TAF4: variants seen among roughly 807,000 people sequenced by gnomAD.
The protein encoded by TAF4 is transcription initiation factor TFIID subunit 4.
Under a neutral mutation model 90.3 loss-of-function variants are expected in TAF4, and 9 were observed. That is an observed-to-expected ratio of 0.10 (90% CI 0.06 to 0.17). The LOEUF is 0.17. Among genes scored for constraint, TAF4 ranks in the 10% least tolerant of loss-of-function variants. The pLI, the probability that TAF4 is intolerant of heterozygous loss-of-function variation, is 1.00. For missense variants in TAF4, 1,351 were observed against 1,370.7 expected, an observed-to-expected ratio of 0.99 and a Z score of 0.23; for synonymous variants, 818 against 638.9, an observed-to-expected ratio of 1.28 and a Z score of -4.23.
intron 1 of TAF4, among the ~76,000 whole-genome samples, chr20:62,023,951 G>A (rs1238971072): frequency 5.9e-5 from 9 of 151,594 alleles, no homozygotes; most frequent in South Asian, 2.1e-4. Flanking sequence ...GTGTGGGCAC[G>A]CCTGTGGTCC....
chr20:62,039,331 A>C lies in TAF4; in HGVS notation c.1361-24624T>G, dbSNP rs185279608. On this transcript the variant is annotated intron_variant, in intron 1 of 14. Coordinates refer to ENST00000252996, the MANE Select transcript of TAF4 (RefSeq NM_003185.4). ...ACTGAGTTTCAATAAAGGCAGCAGC[A>C]TCGTTCAATAGAGAAAGGAAGGTCT... is the stretch of plus-strand genomic sequence containing the variant. Among the ~76,000 whole-genome samples the C allele has an allele frequency of 6.6e-5, 10 of 152,358 alleles. No individual in the cohort carries two copies. In the East Asian group the frequency reaches 1.9e-3, roughly 29 times the overall value.
chr20:62,064,502 G>C lies in TAF4; in HGVS notation c.1309C>G (p.Pro437Ala), dbSNP rs771276562. Residue 437 changes from proline to alanine, a missense_variant, in exon 1 of 15, where the codon CCG becomes GCG. Physicochemically the swap from Pro to Ala is conservative, Grantham distance 27. Around this residue, in one of 9 missense-constraint regions of TAF4, gnomAD observed 782 missense variants for 536.6 expected, o/e 1.46. Coordinates refer to ENST00000252996, the MANE Select transcript of TAF4 (RefSeq NM_003185.4). ...TTGGTCGGGTTCTGAGGCGGCTGCGGCAAGCGGGGGGCCAGCACGGTGGGC... is the reference window on the plus strand; with the variant it reads ...TTGGTCGGGTTCTGAGGCGGCTGCGCCAAGCGGGGGGCCAGCACGGTGGGC... ...LTPTVLAPRL[P>A]QPPQNPTNIQ... 6.6e-7 allele frequency: 1 copy of C among 1,516,932 alleles called. No individual in the cohort carries two copies. Among genetic ancestry groups the C allele is most frequent in the Non-Finnish European group, 8.8e-7 (1 of 1,134,174 alleles). 94.0% of individuals were successfully genotyped at this position (1,516,932 alleles called of 1,614,324 possible).
At chr20:62,016,029 G>A (rs2055810151) in intron 1 of TAF4, among the ~76,000 whole-genome samples, 1 of 152,178 alleles carries the variant, frequency 6.6e-6, no homozygotes, top group South Asian at 2.1e-4. Flanking sequence ...CTCCAAGCCT[G>A]GAGCTCGGGA....
In TAF4 at chr20:62,065,382, G is replaced by A; in HGVS notation, c.429C>T (p.Ala143=). Residue 143 remains alanine, a synonymous_variant, in exon 1 of 15, where the codon GCC becomes GCT. Transcript: ENST00000252996. ...GCTCGGGCCCCGCGGCGACGGCGGC[G>A]GCGGCGGGCACCGGGGCGCAGGACC... The part of the protein sequence containing the change: ...SAGSCAPVPA[A]AAVAAGPEPA... 4.1e-6 allele frequency: 4 copies of A among 972,230 alleles called. No individual in the cohort carries two copies. The South Asian group carries it at 1.9e-4, about 45-fold the overall frequency. The allele number at this position is 972,230 out of a possible 1,614,324, so 60.2% of individuals were successfully genotyped here. A position where few individuals can be genotyped will look rare whatever the true frequency, so the allele number is the denominator to read the frequency against.
intron 1 of TAF4, among the ~76,000 whole-genome samples, chr20:62,042,143 GC>G (rs1214057957): frequency 2.0e-5 from 3 of 152,106 alleles, no homozygotes; most frequent in Non-Finnish European, 4.4e-5. Flanking sequence ...CCTATCTGGT[GC>G]CCATATAAAC....
chr20:62,065,538 G>T lies in TAF4; in HGVS notation c.273C>A (p.Pro91=), dbSNP rs894595804. 4 of 977,798 alleles carry T rather than the reference G, an allele frequency of 4.1e-6. No homozygotes were observed. Among genetic ancestry groups the T allele is most frequent in the African/African-American group, 1.8e-5 (1 of 56,258 alleles). The allele number at this position is 977,798 out of a possible 1,614,324, so 60.6% of individuals were successfully genotyped here. A position where few individuals can be genotyped will look rare whatever the true frequency, so the allele number is the denominator to read the frequency against. ...CGCCCCCCGGCCGCGCTCTACCTGC[G>T]GGGGGCGGCTCCGGCGCCGCTCCGG... ...GAPGAAPEPP[P]AGRARPGGGG... Residue 91 remains proline, a synonymous_variant, in exon 1 of 15, where the codon CCC becomes CCA. Coordinates refer to ENST00000252996, the MANE Select transcript of TAF4 (RefSeq NM_003185.4).
At chr20:62,016,817 G>A (rs371776888) in intron 1 of TAF4, among the ~76,000 whole-genome samples, 1 of 152,238 alleles carries the variant, frequency 6.6e-6, no homozygotes, top group Non-Finnish European at 1.5e-5. Flanking sequence ...ACTGCATTCG[G>A]AGACACCTTG....
intron 7 of TAF4, chr20:62,004,971 T>A (rs2069104796): frequency 6.6e-6 from 1 of 152,306 alleles, no homozygotes; most frequent in South Asian, 2.1e-4. Context: ...GCCTCAAACC[T>A]CTGGGCCCAG....
intron 1 of TAF4, among the ~76,000 whole-genome samples, chr20:62,026,089 T>C (rs534218147): frequency 3.9e-5 from 6 of 152,232 alleles, no homozygotes; most frequent in South Asian, 2.1e-4. Flanking sequence ...ACGGAAAGCA[T>C]AGTTTTAATC....
At chr20:61,981,568 G>C (rs1323981404) in intron 14 of TAF4, 1 of 152,196 alleles carries the variant, frequency 6.6e-6, no homozygotes, top group Non-Finnish European at 1.5e-5. Flanking sequence ...AGGGAGGGGA[G>C]GCGGTGAAAA....
chr20:62,004,332 T>TTTTTC (rs2055729954), intron 7 of TAF4, among the ~76,000 whole-genome samples: 2 of 144,102 alleles, frequency 1.4e-5, no homozygotes, highest in Non-Finnish European at 3.1e-5. Flanking sequence ...TCTTTTCTTT[T>TTTTTC]TTTTTTTTTT....
At position 62,040,344 on chromosome 20, in the gene TAF4, T is replaced by G. The variant is rs993475721; in HGVS notation, c.1360+24107A>C. Among the ~76,000 whole-genome samples the G allele has an allele frequency of 2.0e-5, 3 of 152,212 alleles. No homozygotes were observed. The South Asian group carries it at 6.2e-4, about 31-fold the overall frequency. On this transcript the variant is annotated intron_variant, in intron 1 of 14. Coordinates refer to ENST00000252996, the MANE Select transcript of TAF4 (RefSeq NM_003185.4). ...ACACCACTTGGGCACCACGCAGAAGTATCCCGCCAAGGGAAAGGGCCAGAT... is the reference window on the plus strand; with the variant it reads ...ACACCACTTGGGCACCACGCAGAAGGATCCCGCCAAGGGAAAGGGCCAGAT...
Position 62,034,827 on chromosome 20 carries a change from C to CTTTTCTTTTTTTTTTTTTTTT in TAF4, c.1361-20121_1361-20120insAAAAAAAAAAAAAAAAGAAAA, listed in dbSNP as rs555793597. Among the ~76,000 whole-genome samples, 145 of 141,764 alleles carry CTTTTCTTTTTTTTTTTTTTTT rather than the reference C, an allele frequency of 1.0e-3. 1 individual carries two copies. The highest frequency in any genetic ancestry group is 3.6e-3 in the Middle Eastern group (1 of 276). 93.0% of individuals were successfully genotyped at this position (141,764 alleles called of 152,430 possible). A position where few individuals can be genotyped will look rare whatever the true frequency, so the allele number is the denominator to read the frequency against. ...GATATAGTCACTATCTCATAGATTT[C>CTTTTCTTTTTTTTTTTTTTTT]TTTTTTTTTTTGAGATGGAGTCTCG... On this transcript the variant is annotated intron_variant, in intron 1 of 14. Coordinates refer to ENST00000252996, the MANE Select transcript of TAF4 (RefSeq NM_003185.4).
chr20:62,065,847 G>A lies in TAF4; in HGVS notation c.-37C>T. On this transcript the variant is annotated 5_prime_UTR_variant, in exon 1 of 15. Transcript: ENST00000252996. Reference sequence around the variant, plus strand: ...GGCCGCCGCCGCCGCCGCCGCTCGGGCCGAGCGCGCCTGGGCGAGGAGGAG... The same window carrying A: ...GGCCGCCGCCGCCGCCGCCGCTCGGACCGAGCGCGCCTGGGCGAGGAGGAG... 1.6e-6 allele frequency: 2 copies of A among 1,222,400 alleles called. No individual in the cohort carries two copies. The highest frequency in any genetic ancestry group is 2.3e-4 in the Middle Eastern group (1 of 4,394). The allele number at this position is 1,222,400 out of a possible 1,614,324, so 75.7% of individuals were successfully genotyped here. A position where few individuals can be genotyped will look rare whatever the true frequency, so the allele number is the denominator to read the frequency against.
chr20:62,036,276 C>A (rs756575157), intron 1 of TAF4, among the ~76,000 whole-genome samples: 1 of 152,218 alleles, frequency 6.6e-6, no homozygotes, highest in African/African-American at 2.4e-5. Context: ...CCACCCGCCT[C>A]GGCCTCCCGA....
chr20:62,038,710 T>C (rs8117075), intron 1 of TAF4, among the ~76,000 whole-genome samples: 105,349 of 151,996 alleles, frequency 0.69, 36,681 homozygotes, highest in Middle Eastern at 0.78. Flanking sequence ...TGCTAAGATA[T>C]CAATGATCAT....
chr20:62,031,881 G>A (rs1046659465), intron 1 of TAF4, among the ~76,000 whole-genome samples: 7 of 152,214 alleles, frequency 4.6e-5, no homozygotes, highest in Middle Eastern at 3.4e-3. Flanking sequence ...AACAGCCCGG[G>A]AAGAGGGCAG....
intron 1 of TAF4, among the ~76,000 whole-genome samples, chr20:62,039,275 A>G (rs1441863116): frequency 6.6e-6 from 1 of 152,166 alleles, no homozygotes; most frequent in Admixed American, 6.5e-5. Context: ...GACAGAACAC[A>G]TCCCAGAAGT....
chr20:62,029,475 TGC>T (rs369403106), intron 1 of TAF4, among the ~76,000 whole-genome samples: 11,866 of 143,584 alleles, frequency 0.083, 737 homozygotes, highest in African/African-American at 0.18. Context: ...AGTGCCCACG[TGC>T]GCGCGCGCGC....
Sources: allele counts gnomAD v4.1 joint callset (sites outside exome capture counted in the v4.1 genomes callset), GRCh38; gene constraint gnomAD v4.1.1; regional missense constraint gnomAD v4.1.1; transcripts MANE v1.5; gene names NCBI Gene and HGNC (gene_info 2026-07-23, HGNC 2026-07-21).